Variants in PLEKHA6 observed in about 807,000 individuals in gnomAD.
The protein encoded by PLEKHA6 is pleckstrin homology domain-containing family A member 6.
Under a neutral mutation model 116.7 loss-of-function variants are expected in PLEKHA6, and 60 were observed. That is an observed-to-expected ratio of 0.51 (90% CI 0.42 to 0.64). The LOEUF (loss-of-function observed/expected upper bound fraction) is 0.64, where lower values mean the gene tolerates loss of function less well. Among genes scored for constraint, PLEKHA6 ranks in the 30% least tolerant of loss-of-function variants. PLEKHA6 has a pLI of 0.00. For synonymous variants in PLEKHA6, 489 were observed against 556.1 expected (o/e 0.88, Z 1.70); for missense variants, 1,338 against 1,422.7 (o/e 0.94, Z 0.96).
intron 1 of PLEKHA6, among the ~76,000 whole-genome samples, chr1:204,302,046 A>G (rs1670875124): frequency 6.6e-6 from 1 of 152,188 alleles, no homozygotes; most frequent in Non-Finnish European, 1.5e-5. Context: ...GTTCAGAAAG[A>G]GGTTGTGGAT....
intron 1 of PLEKHA6, among the ~76,000 whole-genome samples, chr1:204,313,015 C>CTTTTCT (rs142382217): frequency 7.4e-6 from 1 of 135,368 alleles, no homozygotes; most frequent in Non-Finnish European, 1.6e-5. Flanking sequence ...AGCCCATTTT[C>CTTTTCT]TTTCTTTTCT....
In PLEKHA6 at chr1:204,259,551, G is replaced by A. The variant is rs1331819999; in HGVS notation, c.714C>T (p.Gly238=). 2 of 1,614,058 alleles carry A rather than the reference G, an allele frequency of 1.2e-6. No homozygotes were observed. Among genetic ancestry groups the A allele is most frequent in the South Asian group, 1.1e-5 (1 of 91,090 alleles). The part of the protein sequence containing the change: ...VKKEPPVKAN[G]LPAGPEPASE... The stretch of plus-strand genomic sequence containing the variant: ...AGGCTGGCTCCGGTCCAGCTGGGAG[G>A]CCATTGGCTTTCACCGGAGGCTCTT... The change falls in exon 8 of 23, where the codon GGC becomes GGT. Residue 238 remains glycine (G), a synonymous_variant. Transcript: ENST00000272203. This position sits in a 1 kb window ranked among gnomAD's most constrained non-coding sequence, Gnocchi z 4.6.
intron 1 of PLEKHA6, chr1:204,280,551 C>T (rs951572117): frequency 4.2e-6 from 3 of 711,512 alleles, no homozygotes; most frequent in Admixed American, 6.3e-5. Flanking sequence ...CCTGAGGACG[C>T]CTTGGCTTCC....
At chr1:204,286,604 C>A (rs544339216) in intron 1 of PLEKHA6, among the ~76,000 whole-genome samples, 1 of 152,168 alleles carries the variant, frequency 6.6e-6, no homozygotes, top group Non-Finnish European at 1.5e-5. Flanking sequence ...GCACAATTTG[C>A]GGGCCCCTTG....
intron 1 of PLEKHA6, among the ~76,000 whole-genome samples, chr1:204,309,292 C>T (rs925324119): frequency 6.6e-6 from 1 of 152,140 alleles, no homozygotes; most frequent in African/African-American, 2.4e-5. Context: ...CAGACTGAAC[C>T]TTAAACTCAG....
intron 9 of PLEKHA6, chr1:204,251,641 C>T (rs1340191874): frequency 4.3e-6 from 3 of 700,964 alleles, no homozygotes; most frequent in Non-Finnish European, 7.8e-6. Flanking sequence ...GGACTATTCA[C>T]ACTCCGACCT....
At chr1:204,236,310 A>C (rs892665945) in intron 17 of PLEKHA6, among the ~76,000 whole-genome samples, 2 of 152,158 alleles carry the variant, frequency 1.3e-5, no homozygotes, top group Non-Finnish European at 2.9e-5. Context: ...GAAATGCCTG[A>C]TCTCCCTTGG....
chr1:204,256,866 C>A (rs527490050), intron 9 of PLEKHA6: 2 of 657,440 alleles, frequency 3.0e-6, no homozygotes, highest in South Asian at 1.7e-5. Flanking sequence ...AGGGACTGGC[C>A]GCCTGTCTCC....
chr1:204,360,912 C>T (rs2103392685), upstream of PLEKHA6, among the ~76,000 whole-genome samples: 1 of 152,346 alleles, frequency 6.6e-6, no homozygotes, highest in East Asian at 1.9e-4. Context: ...TTCCCTTTAT[C>T]CACATCTCTC....
At chr1:204,294,545 G>A (rs1439686515) in intron 1 of PLEKHA6, among the ~76,000 whole-genome samples, 1 of 152,204 alleles carries the variant, frequency 6.6e-6, no homozygotes, top group African/African-American at 2.4e-5. Context: ...CCCACTTTAT[G>A]TTAGTTGTGC....
At position 204,277,407 on chromosome 1, in the gene PLEKHA6, G is replaced by A. The variant is rs1260910213; in HGVS notation, c.-94-2598C>T. Among the ~76,000 whole-genome samples, 1 of 152,214 alleles carries A rather than the reference G, an allele frequency of 6.6e-6. No homozygotes were observed. The highest frequency in any genetic ancestry group is 2.4e-5 in the African/African-American group (1 of 41,464). On this transcript the variant is annotated intron_variant, in intron 1 of 22. Coordinates refer to ENST00000272203, the MANE Select transcript of PLEKHA6 (RefSeq NM_014935.5). This position sits in a 1 kb window ranked among gnomAD's most constrained non-coding sequence, Gnocchi z 4.1. ...AGAGACAGGCATACACGGAGCAGGT[G>A]TAGCACTCCCAGGTAGTCCGACCTC...
rs551037925 is a variant in PLEKHA6, at chr1:204,228,113, C to T, written c.3001G>A (p.Glu1001Lys). Residue 1001 changes from glutamate (E) to lysine (K), a missense_variant, in exon 21 of 23, where the codon GAG becomes AAG. Physicochemically the swap from Glu to Lys is moderately conservative, Grantham distance 56. Coordinates refer to ENST00000272203, the MANE Select transcript of PLEKHA6 (RefSeq NM_014935.5). The surrounding 1 kb of genome is among the most constrained non-coding windows in gnomAD (Gnocchi z 4.0). The stretch of plus-strand genomic sequence containing the variant: ...AGCATGCGGCCCCTGCGGGAGGCCT[C>T]GGTCGCCAGGGCGCAGGAGATTTCA... ...RIEISCALAT[E>K]ASRRGRMLSV... The T allele has an allele frequency of 4.3e-6, 7 of 1,612,744 alleles. No individual in the cohort carries two copies. The highest frequency in any genetic ancestry group is 2.2e-5 in the East Asian group (1 of 44,808).
In PLEKHA6 at chr1:204,317,130, C is replaced by G. The variant is rs565811790; in HGVS notation, c.-94-42321G>C. 1.6e-4 allele frequency: 74 copies of G among 459,044 alleles called. No individual in the cohort carries two copies. The Middle Eastern group carries it at 3.5e-3, about 21-fold the overall frequency. The allele number at this position is 459,044 out of a possible 1,614,324, so 28.4% of individuals were successfully genotyped here. A position where few individuals can be genotyped will look rare whatever the true frequency, so the allele number is the denominator to read the frequency against. On this transcript the variant is annotated intron_variant, in intron 1 of 22. Transcript: ENST00000272203. ...CCTGTGCTCACCAAATTCAGCTCTTCTGAGCATAAAATAACTTGGTAAATA... is the reference window on the plus strand; with the variant it reads ...CCTGTGCTCACCAAATTCAGCTCTTGTGAGCATAAAATAACTTGGTAAATA...
chr1:204,332,094 C>T (rs1264851713), intron 1 of PLEKHA6, among the ~76,000 whole-genome samples: 1 of 152,172 alleles, frequency 6.6e-6, no homozygotes, highest in African/African-American at 2.4e-5. Context: ...TGGGAGGAAG[C>T]ACCACCTCAG....
Position 204,267,506 on chromosome 1 carries a change from G to A in PLEKHA6, c.249C>T (p.Val83=). Residue 83 remains valine (V), a synonymous_variant, in exon 5 of 23, where the codon GTC becomes GTT. Transcript: ENST00000272203. ...AGTAGAAGAGGCAGCGATCCACCAG[G>A]ACGAACCAGCGCTTGTTCCACTGCT... ...GVKQWNKRWF[V]LVDRCLFYYK... 1.2e-6 allele frequency: 2 copies of A among 1,614,148 alleles called. No individual in the cohort carries two copies. The highest frequency in any genetic ancestry group is 2.2e-5 in the East Asian group (1 of 44,876).
intron 1 of PLEKHA6, among the ~76,000 whole-genome samples, chr1:204,348,820 G>C (rs1673171053): frequency 6.6e-6 from 1 of 151,056 alleles, no homozygotes. Context: ...ATGGGAGATA[G>C]ACAATGAGAA....
At chr1:204,295,269 T>C (rs761921128) in intron 1 of PLEKHA6, among the ~76,000 whole-genome samples, 4 of 152,144 alleles carry the variant, frequency 2.6e-5, no homozygotes, top group Non-Finnish European at 5.9e-5. Flanking sequence ...GTGGGTGGAT[T>C]TCCTGAGGTC....
intron 17 of PLEKHA6, among the ~76,000 whole-genome samples, chr1:204,239,518 A>C (rs1019231694): frequency 1.3e-5 from 2 of 152,136 alleles, no homozygotes; most frequent in Admixed American, 6.5e-5. Context: ...ACAACCATCC[A>C]TGGACTCACG....
intron 1 of PLEKHA6, among the ~76,000 whole-genome samples, chr1:204,352,144 C>T (rs559782277): frequency 3.9e-5 from 6 of 152,084 alleles, no homozygotes; most frequent in Admixed American, 2.6e-4. Flanking sequence ...GAGGCCAAGG[C>T]AGACAGATCA....
Sources: gnomAD v4.1 joint callset for allele counts (sites outside exome capture counted in the v4.1 genomes callset) on GRCh38, gnomAD v4.1.1 for gene constraint, Gnocchi (gnomAD v3.1) non-coding constraint, MANE v1.5 for transcripts, NCBI Gene and HGNC (gene_info 2026-07-23, HGNC 2026-07-21) for gene names.